Variants in SAMD3 observed in about 807,000 individuals in gnomAD.
The protein encoded by SAMD3 is sterile alpha motif domain-containing protein 3.
A neutral mutation model predicts 58.5 loss-of-function variants in SAMD3; 63 were observed. The ratio of observed to expected loss-of-function variants is 1.08; its 90% CI spans 0.88 to 1.33. The LOEUF (loss-of-function observed/expected upper bound fraction) is 1.33. Among genes scored for constraint, SAMD3 ranks in the 40% most tolerant of loss-of-function variants. The pLI is 0.00. For synonymous variants in SAMD3, 220 were observed against 210.3 expected, an observed-to-expected ratio of 1.05 and a Z score of -0.40; for missense variants, 604 against 608.4, an observed-to-expected ratio of 0.99 and a Z score of 0.08.
chr6:130,186,926 G>A lies in SAMD3; in HGVS notation c.384-2303C>T, dbSNP rs976803156. 1.6e-4 allele frequency among the ~76,000 whole-genome samples: 25 copies of A among 151,532 alleles called. 1 individual carries two copies. The South Asian group carries it at 1.7e-3, about 10-fold the overall frequency. ...GCTGGGACTACAGGCGCATGCCACC[G>A]TGCCTGGCTAATTTTTTTTATTTTT... On this transcript the variant is annotated intron_variant, in intron 5 of 11. Transcript: ENST00000439090.
chr6:130,228,624 G>A (rs1322464742), intron 2 of SAMD3, among the ~76,000 whole-genome samples: 1 of 152,176 alleles, frequency 6.6e-6, no homozygotes, highest in Non-Finnish European at 1.5e-5. Context: ...TGGGAGCCGC[G>A]GGTGTTAAGC....
chr6:130,187,533 C>G (rs577750117), intron 5 of SAMD3, among the ~76,000 whole-genome samples: 1 of 152,088 alleles, frequency 6.6e-6, no homozygotes, highest in Non-Finnish European at 1.5e-5. Context: ...CCCATGCCAC[C>G]TAATACCAGT....
chr6:130,285,505 A>G (rs1193450970), intron 2 of SAMD3, among the ~76,000 whole-genome samples: 2 of 152,208 alleles, frequency 1.3e-5, no homozygotes, highest in Non-Finnish European at 2.9e-5. Flanking sequence ...ATGATGCCCA[A>G]AGCTATGTCA....
chr6:130,291,848 C>T (rs1165698764), intron 2 of SAMD3, among the ~76,000 whole-genome samples: 2 of 152,082 alleles, frequency 1.3e-5, no homozygotes, highest in African/African-American at 4.8e-5. Context: ...AGTAATTTCC[C>T]AATTTCGTTA....
Position 130,292,263 on chromosome 6 carries a change from C to CTTTTTTT in SAMD3, c.-188+20714_-188+20715insAAAAAAA, listed in dbSNP as rs1412339110. Among the ~76,000 whole-genome samples, 17 of 125,822 alleles carry CTTTTTTT rather than the reference C, an allele frequency of 1.4e-4. 3 individuals are homozygous for CTTTTTTT. The highest frequency in any genetic ancestry group is 2.5e-4 in the East Asian group (1 of 3,952). 82.5% of individuals were successfully genotyped at this position (125,822 alleles called of 152,430 possible). A position where few individuals can be genotyped will look rare whatever the true frequency, so the allele number is the denominator to read the frequency against. The stretch of plus-strand genomic sequence containing the variant: ...AATTCTCAGGAATAACTTTTTTTTT[C>CTTTTTTT]TTTCTTTCTTTTTTTTTTTTTTTTG... On this transcript the variant is annotated intron_variant, in intron 2 of 13. Transcript: ENST00000368134.
chr6:130,306,195 T>C (rs1775905833), intron 2 of SAMD3, among the ~76,000 whole-genome samples: 1 of 152,216 alleles, frequency 6.6e-6, no homozygotes, highest in African/African-American at 2.4e-5. Context: ...TTAAAAAATA[T>C]TTACTTTATC....
At chr6:130,162,313 G>T in intron 8 of SAMD3, 2 of 701,224 alleles carry the variant, frequency 2.9e-6, no homozygotes, top group South Asian at 3.0e-5. Flanking sequence ...TTCTAAGTTT[G>T]ATTTCAACAG....
chr6:130,340,626 A>C (rs1004296984), intron 1 of SAMD3, among the ~76,000 whole-genome samples: 2 of 152,376 alleles, frequency 1.3e-5, no homozygotes. Flanking sequence ...CAATTAAGTA[A>C]AAATTAGAAG....
At chr6:130,275,321 G>A (rs1406771774) in intron 2 of SAMD3, among the ~76,000 whole-genome samples, 2 of 151,974 alleles carry the variant, frequency 1.3e-5, no homozygotes, top group African/African-American at 2.4e-5. Flanking sequence ...AAATTTTATT[G>A]ACATAATGAT....
intron 8 of SAMD3, among the ~76,000 whole-genome samples, chr6:130,174,429 C>T (rs1252841442): frequency 6.6e-6 from 1 of 152,212 alleles, no homozygotes; most frequent in African/African-American, 2.4e-5. Flanking sequence ...TCCCTGGCTC[C>T]TTGCAATTCC....
chr6:130,162,053 A>G, intron 8 of SAMD3: 2 of 496,514 alleles, frequency 4.0e-6, no homozygotes, highest in South Asian at 3.4e-5. Flanking sequence ...CACCTTTGAG[A>G]TGTGTGACTT....
intron 1 of SAMD3, among the ~76,000 whole-genome samples, chr6:130,333,861 A>C (rs1777019265): frequency 6.6e-6 from 1 of 152,132 alleles, no homozygotes. Context: ...GAGGCCCAGG[A>C]ATCTTTTCTA....
chr6:130,207,169 A>AAAAAAAAAAAAAAAAAAAAG (rs761201989), intron 5 of SAMD3, among the ~76,000 whole-genome samples: 2 of 140,904 alleles, frequency 1.4e-5, no homozygotes, highest in African/African-American at 2.7e-5. Flanking sequence ...CAAAAAAAAA[A>AAAAAAAAAAAAAAAAAAAAG]AAAGAAAAAA....
intron 7 of SAMD3, among the ~76,000 whole-genome samples, chr6:130,177,054 T>C (rs1457578871): frequency 6.6e-5 from 10 of 152,180 alleles, no homozygotes; most frequent in Non-Finnish European, 1.5e-4. Flanking sequence ...TTGCCCTTGG[T>C]CTTTCCTCTA....
intron 1 of SAMD3, among the ~76,000 whole-genome samples, chr6:130,331,603 C>A (rs1309522611): frequency 6.6e-6 from 1 of 152,094 alleles, no homozygotes; most frequent in Non-Finnish European, 1.5e-5. Flanking sequence ...CCTGTAATCC[C>A]AGCTACTCAG....
intron 9 of SAMD3, among the ~76,000 whole-genome samples, chr6:130,147,173 A>G (rs1414516092): frequency 6.6e-6 from 1 of 151,976 alleles, no homozygotes; most frequent in African/African-American, 2.4e-5. Context: ...AGCCACCCAC[A>G]CTCCAGTGAA....
At chr6:130,294,982 G>A (rs1047097200) in intron 2 of SAMD3, among the ~76,000 whole-genome samples, 8 of 126,126 alleles carry the variant, frequency 6.3e-5, no homozygotes, top group African/African-American at 1.3e-4. Context: ...GGAGTGCAAC[G>A]GCACGATCTC....
chr6:130,339,687 A>G (rs1309575197), intron 1 of SAMD3, among the ~76,000 whole-genome samples: 3 of 152,112 alleles, frequency 2.0e-5, no homozygotes, highest in Non-Finnish European at 4.4e-5. Context: ...AATGGACGAA[A>G]TCCACATTTA....
At chr6:130,157,419 G>C (rs1789890261) in intron 8 of SAMD3, among the ~76,000 whole-genome samples, 1 of 151,772 alleles carries the variant, frequency 6.6e-6, no homozygotes, top group Admixed American at 6.6e-5. Flanking sequence ...GCTCAGTGCA[G>C]CCTCAAACTT....
Sources: gnomAD v4.1 joint callset for allele counts (sites outside exome capture counted in the v4.1 genomes callset) on GRCh38, gnomAD v4.1.1 for gene constraint, MANE v1.5 for transcripts, NCBI Gene and HGNC (gene_info 2026-07-23, HGNC 2026-07-21) for gene names.